ANO2: variants seen among roughly 807,000 people sequenced by gnomAD.
ANO2 encodes anoctamin 2, also known as anoctamin-2.
In ANO2, 101 loss-of-function variants were observed where a neutral mutation model predicts 124.2. That is an observed-to-expected ratio of 0.81 (90% CI 0.69 to 0.96). The LOEUF is 0.96. ANO2 is among the 40% of genes least tolerant of loss of function. ANO2 has a pLI of 0.00. For synonymous variants in ANO2, 486 were observed against 482.5 expected (o/e 1.01, Z -0.09); for missense variants, 1,293 against 1,274.5 (o/e 1.01, Z -0.22).
chr12:5,886,245 C>T (rs752341505), intron 3 of ANO2, among the ~76,000 whole-genome samples: 11 of 152,162 alleles, frequency 7.2e-5, no homozygotes, highest in Non-Finnish European at 1.3e-4. Flanking sequence ...TGTAAATGAA[C>T]GAATGGATAA....
At chr12:5,946,108 A>T (rs1308554692), upstream of ANO2, 2 of 1,606,696 alleles carry the variant, frequency 1.2e-6, no homozygotes, top group East Asian at 4.5e-5. This position sits in a 1 kb window ranked among gnomAD's most constrained non-coding sequence, Gnocchi z 4.1. Flanking sequence ...CAAAATGAAG[A>T]AGTACTATGT....
chr12:5,927,692 T>C (rs1214933762), intron 1 of ANO2, among the ~76,000 whole-genome samples: 1 of 152,196 alleles, frequency 6.6e-6, no homozygotes, highest in Non-Finnish European at 1.5e-5. Context: ...GTAAAAAGCA[T>C]TTTGAAAACA....
intron 3 of ANO2, chr12:5,870,517 C>T (rs1955545320): frequency 6.6e-6 from 1 of 152,252 alleles, no homozygotes; most frequent in South Asian, 2.1e-4. Context: ...CAGGAATTCT[C>T]TCAGCACCTT....
At chr12:5,623,253 A>G (rs1945217799) in intron 16 of ANO2, among the ~76,000 whole-genome samples, 1 of 152,020 alleles carries the variant, frequency 6.6e-6, no homozygotes, top group Non-Finnish European at 1.5e-5. Flanking sequence ...TAATGGAGAG[A>G]GGGTGAGGAG....
Position 5,922,934 on chromosome 12 carries a change from G to A in ANO2, c.23-130C>T, listed in dbSNP as rs1941786285. On this transcript the variant is annotated intron_variant, in intron 1 of 24. Transcript: ENST00000682330. ...ATTTTGCTTCACAGCTGCCTCCTTG[G>A]TTAGTCCCTAAAGCCCAGGTTCACA... The A allele has an allele frequency of 5.1e-6, 5 of 978,006 alleles. No homozygotes were observed. In the South Asian group the frequency reaches 8.2e-5, roughly 16 times the overall value. The allele number at this position is 978,006 out of a possible 1,614,324, so 60.6% of individuals were successfully genotyped here.
At chr12:5,922,855 C>G in intron 1 of ANO2, 51 bp from the exon 2 acceptor site, 1 of 1,437,772 alleles carries the variant, frequency 7.0e-7, no homozygotes, top group South Asian at 1.5e-5. Flanking sequence ...TGAAGGAAAT[C>G]CAAGACACTG....
rs1162384692 is a variant in ANO2 at position 5,904,333 on chromosome 12, C to T, written c.534+16707G>A. 6.6e-6 allele frequency among the ~76,000 whole-genome samples: 1 copy of T among 152,150 alleles called. No individual in the cohort carries two copies. Among genetic ancestry groups the T allele is most frequent in the Non-Finnish European group, 1.5e-5 (1 of 68,026 alleles). On this transcript the variant is annotated intron_variant, in intron 3 of 24. Coordinates refer to ENST00000682330, the MANE Select transcript of ANO2 (RefSeq NM_001364791.2). The surrounding 1 kb of genome is among the most constrained non-coding windows in gnomAD (Gnocchi z 4.1). Reference sequence around the variant, plus strand: ...CCACCATTCACCTAAGGCTTTGATCCCTGAGAAAAATGCAGCTGCCGCAAA... The same window carrying T: ...CCACCATTCACCTAAGGCTTTGATCTCTGAGAAAAATGCAGCTGCCGCAAA...
chr12:5,811,902 G>T (rs192324401), intron 7 of ANO2, among the ~76,000 whole-genome samples: 1 of 152,250 alleles, frequency 6.6e-6, no homozygotes, highest in East Asian at 1.9e-4. Context: ...AAGAGGGAAA[G>T]GTTGAGTTGT....
chr12:5,890,584 C>T (rs1939324220), intron 3 of ANO2, among the ~76,000 whole-genome samples: 1 of 152,102 alleles, frequency 6.6e-6, no homozygotes, highest in Admixed American at 6.5e-5. Flanking sequence ...AGATGCAGTC[C>T]CCATCCTCAA....
At chr12:5,744,889 T>C (rs1390038225) in intron 11 of ANO2, among the ~76,000 whole-genome samples, 1 of 152,118 alleles carries the variant, frequency 6.6e-6, no homozygotes, top group Non-Finnish European at 1.5e-5. Flanking sequence ...TCTAAGAGCA[T>C]GAGCTGGAGA....
At chr12:5,584,255 G>A (rs555076120) in intron 20 of ANO2, among the ~76,000 whole-genome samples, 4 of 150,776 alleles carry the variant, frequency 2.7e-5, no homozygotes, top group South Asian at 2.1e-4. Flanking sequence ...TGCCTACCCC[G>A]CCAAAGGGAC....
chr12:5,722,055 C>T lies in ANO2; in HGVS notation c.1545+10465G>A, dbSNP rs555539878. On this transcript the variant is annotated intron_variant, in intron 14 of 24. Transcript: ENST00000682330. ...ATTCTTAAACCTAATTACTAGCTAA[C>T]AGGATGTGTGCACCTGTTAGAGAAC... Among the ~76,000 whole-genome samples, 51 of 152,306 alleles carry T rather than the reference C, an allele frequency of 3.3e-4. 1 individual carries two copies. Among genetic ancestry groups the T allele is most frequent in the Admixed American group, 1.0e-3 (16 of 15,306 alleles).
At chr12:5,704,511 A>G (rs975646288) in intron 14 of ANO2, among the ~76,000 whole-genome samples, 1 of 152,080 alleles carries the variant, frequency 6.6e-6, no homozygotes, top group African/African-American at 2.4e-5. Context: ...CGGTGGGGAG[A>G]GGGAGAATAG....
At chr12:5,617,399 C>G (rs1399690793) in intron 16 of ANO2, among the ~76,000 whole-genome samples, 1 of 152,118 alleles carries the variant, frequency 6.6e-6, no homozygotes, top group African/African-American at 2.4e-5. Flanking sequence ...ACCACACCCT[C>G]AAGATCACAA....
intron 14 of ANO2, among the ~76,000 whole-genome samples, chr12:5,681,176 C>G (rs1175204803): frequency 6.6e-6 from 1 of 152,162 alleles, no homozygotes; most frequent in Non-Finnish European, 1.5e-5. Flanking sequence ...CAGGTAAACC[C>G]AGAGCAACAG....
At chr12:5,926,142 T>C (rs933406) in intron 1 of ANO2, among the ~76,000 whole-genome samples, 6,246 of 152,336 alleles carry the variant, frequency 0.041, 167 homozygotes, top group South Asian at 0.11. Flanking sequence ...GCTGGAAATC[T>C]AGAAGCAGCC....
chr12:5,872,423 G>C (rs1292940143), intron 3 of ANO2, among the ~76,000 whole-genome samples: 2 of 152,082 alleles, frequency 1.3e-5, no homozygotes, highest in Non-Finnish European at 2.9e-5. Flanking sequence ...GGTACTGGAG[G>C]CTGATGAATA....
chr12:5,745,889 T>C (rs568594985), intron 11 of ANO2, among the ~76,000 whole-genome samples: 40 of 152,336 alleles, frequency 2.6e-4, no homozygotes, highest in Admixed American at 6.5e-5. Context: ...CCAGTTTATG[T>C]CTTCTGGGTC....
At chr12:5,762,795 C>T (rs564754565) in intron 10 of ANO2, among the ~76,000 whole-genome samples, 15 of 151,984 alleles carry the variant, frequency 9.9e-5, no homozygotes, top group East Asian at 3.9e-4. Context: ...CTCCTTTAAA[C>T]TGTCAAGACT....
Sources: gnomAD v4.1 joint callset for allele counts (sites outside exome capture counted in the v4.1 genomes callset) on GRCh38, gnomAD v4.1.1 for gene constraint, Gnocchi (gnomAD v3.1) non-coding constraint, MANE v1.5 for transcripts, NCBI Gene and HGNC (gene_info 2026-07-23, HGNC 2026-07-21) for gene names.